The following VAC14 variants were observed in gnomAD, a reference collection of about 807,000 sequenced individuals.
VAC14 encodes protein VAC14 homolog.
A neutral mutation model predicts 85.3 loss-of-function variants in VAC14; 47 were observed. The observed-to-expected ratio is 0.55, with a 90% confidence interval of 0.44 to 0.70. The LOEUF is 0.70. Among genes scored for constraint, VAC14 ranks in the 30% least tolerant of loss-of-function variants. VAC14 has a pLI of 0.00. For missense variants in VAC14, 861 were observed against 1,004.3 expected (o/e 0.86, Z 1.93); for synonymous variants, 447 against 430.5 (o/e 1.04, Z -0.47).
intron 13 of VAC14, among the ~76,000 whole-genome samples, chr16:70,732,042 C>T (rs1228258258): frequency 3.9e-5 from 6 of 152,070 alleles, no homozygotes; most frequent in Admixed American, 3.9e-4. Flanking sequence ...CCATTAAGGA[C>T]AAACAAGAAG....
At chr16:70,754,197 C>G (rs1358793955) in intron 12 of VAC14, among the ~76,000 whole-genome samples, 1 of 152,234 alleles carries the variant, frequency 6.6e-6, no homozygotes, top group Non-Finnish European at 1.5e-5. Context: ...CTGGGTCCCC[C>G]TGTGCTCTGG....
At chr16:70,738,645 C>T (rs1389516695) in intron 13 of VAC14, among the ~76,000 whole-genome samples, 2 of 152,150 alleles carry the variant, frequency 1.3e-5, no homozygotes, top group African/African-American at 4.8e-5. Flanking sequence ...CCTGGCAGCA[C>T]GGGTATGAGA....
At chr16:70,726,112 TCA>T (rs1027575165) in intron 14 of VAC14, among the ~76,000 whole-genome samples, 1 of 152,254 alleles carries the variant, frequency 6.6e-6, no homozygotes, top group African/African-American at 2.4e-5. Flanking sequence ...GGAGTTCATA[TCA>T]CAGTTTATCA....
chr16:70,717,158 C>G (rs1296157529), intron 14 of VAC14, among the ~76,000 whole-genome samples: 1 of 152,254 alleles, frequency 6.6e-6, no homozygotes, highest in Non-Finnish European at 1.5e-5. Flanking sequence ...GGGTGGGCAC[C>G]CGACCCTTTT....
intron 12 of VAC14, among the ~76,000 whole-genome samples, chr16:70,746,308 C>T (rs2030885384): frequency 6.6e-6 from 1 of 152,202 alleles, no homozygotes; most frequent in Non-Finnish European, 1.5e-5. Context: ...CACACAGACT[C>T]ACTCTCACAG....
chr16:70,785,666 G>A, intron 3 of VAC14, 36 bp downstream of exon 3: 1 of 1,528,118 alleles, frequency 6.5e-7, no homozygotes, highest in Non-Finnish European at 8.8e-7. Context: ...GGGGAACCAA[G>A]CGCAGCTCAG....
At chr16:70,768,903 C>G in intron 10 of VAC14, 1 of 441,580 alleles carries the variant, frequency 2.3e-6, no homozygotes, top group South Asian at 1.6e-5. Context: ...CAGGTTCAAG[C>G]AATTCTCCTG....
At chr16:70,719,192 C>A (rs1468523310) in intron 14 of VAC14, among the ~76,000 whole-genome samples, 1 of 152,126 alleles carries the variant, frequency 6.6e-6, no homozygotes, top group Non-Finnish European at 1.5e-5. Flanking sequence ...AAGACCCTGT[C>A]AAGAATTAAG....
At chr16:70,701,095 A>G (rs1299054258) in intron 14 of VAC14, among the ~76,000 whole-genome samples, 1 of 152,132 alleles carries the variant, frequency 6.6e-6, no homozygotes, top group Non-Finnish European at 1.5e-5. Context: ...AGTTTTCTGG[A>G]AACTCTTCTC....
chr16:70,741,163 C>A (rs556961582), intron 13 of VAC14, among the ~76,000 whole-genome samples: 1 of 152,368 alleles, frequency 6.6e-6, no homozygotes, highest in South Asian at 2.1e-4. Context: ...CCCTGGAGAG[C>A]CAGAGGCAGG....
chr16:70,762,619 A>G lies in VAC14; in HGVS notation c.1306-14T>C, dbSNP rs1202864709. 3 of 1,613,862 alleles carry G rather than the reference A, an allele frequency of 1.9e-6. No homozygotes were observed. The highest frequency in any genetic ancestry group is 1.1e-5 in the South Asian group (1 of 90,998). On this transcript the variant is annotated splice_polypyrimidine_tract_variant and intron_variant, in intron 11 of 18. Transcript: ENST00000261776. This position sits in a 1 kb window ranked among gnomAD's most constrained non-coding sequence, Gnocchi z 4.1. ...GTGCCGGAACATCTGGAGGGCAGAGAAGCAGGGGTGCCCGTGAGTGCTCCC... is the reference window on the plus strand; with the variant it reads ...GTGCCGGAACATCTGGAGGGCAGAGGAGCAGGGGTGCCCGTGAGTGCTCCC...
At chr16:70,701,558 T>C (rs1219077988) in intron 14 of VAC14, among the ~76,000 whole-genome samples, 2 of 152,086 alleles carry the variant, frequency 1.3e-5, no homozygotes, top group Non-Finnish European at 2.9e-5. Flanking sequence ...CCTAGGGGGC[T>C]GTCAGCATCT....
intron 8 of VAC14, among the ~76,000 whole-genome samples, 153 bp downstream of exon 8, chr16:70,781,716 C>A (rs1435463564): frequency 1.3e-5 from 2 of 152,112 alleles, no homozygotes; most frequent in African/African-American, 4.8e-5. Flanking sequence ...CTTTCCTAAT[C>A]CACGTTTGGC....
At chr16:70,689,854 G>A (rs1315164635) in intron 18 of VAC14, 10 of 985,426 alleles carry the variant, frequency 1.0e-5, no homozygotes, top group Non-Finnish European at 1.2e-5. Context: ...ACTGCTCCAA[G>A]AGAGCAGCTT....
chr16:70,699,273 A>T, intron 14 of VAC14: 1 of 177,804 alleles, frequency 5.6e-6, no homozygotes, highest in Non-Finnish European at 1.2e-5. Context: ...TTACTGCCCC[A>T]CTCCTCCTCC....
At chr16:70,702,915 G>C (rs2053857045) in intron 14 of VAC14, among the ~76,000 whole-genome samples, 2 of 152,188 alleles carry the variant, frequency 1.3e-5, no homozygotes, top group Admixed American at 1.3e-4. Flanking sequence ...ACATAACCTG[G>C]GCAGGGTTAT....
At chr16:70,792,226 G>C (rs2034372182) in intron 1 of VAC14, among the ~76,000 whole-genome samples, 2 of 152,218 alleles carry the variant, frequency 1.3e-5, no homozygotes, top group Non-Finnish European at 2.9e-5. Flanking sequence ...AGTAAGTGCA[G>C]TTGAAAACCT....
rs1036887603 is a variant in VAC14, at chr16:70,701,617, C to G, written c.1662-2806G>C. ...TCTCAGGATCTGCCTCCTGCTGCTTCTCCTGCCCCCACAGTCCACCCTCCA... is the reference window on the plus strand; with the variant it reads ...TCTCAGGATCTGCCTCCTGCTGCTTGTCCTGCCCCCACAGTCCACCCTCCA... On this transcript the variant is annotated intron_variant, in intron 14 of 18. Coordinates refer to ENST00000261776, the MANE Select transcript of VAC14 (RefSeq NM_018052.5). Among the ~76,000 whole-genome samples the G allele has an allele frequency of 8.8e-4, 134 of 152,150 alleles. 1 individual carries two copies. The highest frequency in any genetic ancestry group is 3.1e-3 in the African/African-American group (129 of 41,432).
At chr16:70,751,611 A>G (rs528740109) in intron 12 of VAC14, among the ~76,000 whole-genome samples, 1 of 152,326 alleles carries the variant, frequency 6.6e-6, no homozygotes, top group African/African-American at 2.4e-5. Context: ...AAGCCTCTTC[A>G]GTCCCTGACC....
Sources: gnomAD v4.1 joint callset for allele counts (sites outside exome capture counted in the v4.1 genomes callset) on GRCh38, gnomAD v4.1.1 for gene constraint, Gnocchi (gnomAD v3.1) non-coding constraint, MANE v1.5 for transcripts, NCBI Gene and HGNC (gene_info 2026-07-23, HGNC 2026-07-21) for gene names.